Variants in SETD2 observed in about 807,000 individuals in gnomAD.
The protein encoded by SETD2 is histone-lysine N-methyltransferase SETD2.
Under a neutral mutation model 242.1 loss-of-function variants are expected in SETD2, and 31 were observed. That is an observed-to-expected ratio of 0.13 (90% CI 0.10 to 0.17). The LOEUF (loss-of-function observed/expected upper bound fraction) is 0.17, where lower values mean the gene tolerates loss of function less well. Ranked by LOEUF, SETD2 falls within the 10% of genes least tolerant of loss-of-function variation. The probability of loss-of-function intolerance (pLI) is 1.00; values close to 1 mark genes in which losing one functional copy is unlikely to be tolerated. For synonymous variants in SETD2, 1,006 were observed against 1,066.5 expected (o/e 0.94, Z 1.11); for missense variants, 2,481 against 3,046.3 (o/e 0.81, Z 4.37).
At chr3:47,097,921 T>C (rs745418278) in intron 9 of SETD2, 34 bp downstream of exon 9, 1 of 1,607,608 alleles carries the variant, frequency 6.2e-7, no homozygotes, top group South Asian at 1.1e-5. Context: ...TTAAATTTTT[T>C]ATTGTGAAAG....
At chr3:47,133,343 T>A (rs2043522467) in intron 1 of SETD2, among the ~76,000 whole-genome samples, 1 of 152,190 alleles carries the variant, frequency 6.6e-6, no homozygotes, top group Admixed American at 6.5e-5. Flanking sequence ...CATGAGCAAC[T>A]GTACCCAGTG....
At chr3:47,131,749 T>C (rs1352899464) in intron 1 of SETD2, among the ~76,000 whole-genome samples, 1 of 151,948 alleles carries the variant, frequency 6.6e-6, no homozygotes, top group Non-Finnish European at 1.5e-5. Flanking sequence ...GCAACTATTG[T>C]TAAGTTTGCA....
Position 47,120,399 on chromosome 3 carries a change from T to C in SETD2, c.4237A>G (p.Ser1413Gly), listed in dbSNP as rs750062275. 3 of 1,612,182 alleles carry C rather than the reference T, an allele frequency of 1.9e-6. No homozygotes were observed. Residue 1413 changes from serine to glycine, a missense_variant, in exon 3 of 21, where the codon AGT (serine) becomes GGT (glycine). Physicochemically the swap from Ser to Gly is moderately conservative, Grantham distance 56. Around this residue, in one of 17 missense-constraint regions of SETD2, gnomAD observed 1,300 missense variants for 1,259.2 expected, o/e 1.03. Transcript: ENST00000409792. Reference protein sequence around the residue: ...PLKKRRQEIESDSESDGELQD... With the variant: ...PLKKRRQEIEGDSESDGELQD... The stretch of plus-strand genomic sequence containing the variant: ...AGCTCACCATCACTTTCAGAATCAC[T>C]CTCTATTTCCTGCCTCCTTTTTTTA...
At chr3:47,042,815 A>G in intron 16 of SETD2, 115 bp from the exon 17 acceptor site, 1 of 944,942 alleles carries the variant, frequency 1.1e-6, no homozygotes, top group Admixed American at 2.5e-5. Context: ...TCTTAAAAAA[A>G]GGATAAAGGA....
chr3:47,117,611 T>C (rs1196601551), intron 3 of SETD2, among the ~76,000 whole-genome samples: 1 of 152,182 alleles, frequency 6.6e-6, no homozygotes, highest in Admixed American at 6.5e-5. Flanking sequence ...AATCCAATAT[T>C]TTAGAGAATC....
chr3:47,130,262 G>C (rs1347970940), intron 1 of SETD2, among the ~76,000 whole-genome samples: 1 of 152,170 alleles, frequency 6.6e-6, no homozygotes, highest in African/African-American at 2.4e-5. Flanking sequence ...TCTGAAGGAA[G>C]CTCATAAACT....
intron 6 of SETD2, among the ~76,000 whole-genome samples, chr3:47,105,183 A>G (rs2042361063): frequency 6.6e-6 from 1 of 152,030 alleles, no homozygotes; most frequent in African/African-American, 2.4e-5. Context: ...GCTGAGGCAC[A>G]TGGATTGCTT....
chr3:47,156,351 G>A (rs2044127580), intron 1 of SETD2, among the ~76,000 whole-genome samples: 1 of 152,196 alleles, frequency 6.6e-6, no homozygotes, highest in Non-Finnish European at 1.5e-5. Context: ...CCAAAGTCCT[G>A]CTAAGGAAAC....
chr3:47,065,528 G>A (rs1474625205), intron 13 of SETD2, among the ~76,000 whole-genome samples: 4 of 152,162 alleles, frequency 2.6e-5, no homozygotes, highest in African/African-American at 9.7e-5. Flanking sequence ...GCTGGGCATA[G>A]TGGCTTACAT....
In SETD2 at chr3:47,121,975, T is replaced by C. The variant is rs778709463; in HGVS notation, c.2661A>G (p.Pro887=). The C allele has an allele frequency of 6.2e-7, 1 of 1,614,022 alleles. No homozygotes were observed. The highest frequency in any genetic ancestry group is 1.1e-5 in the South Asian group (1 of 91,082). The stretch of plus-strand genomic sequence containing the variant: ...TTAGACTGTCCACCTTTATTCCTGG[T>C]GGAAGACTCTGAAGAGATGAAGCAA... ...SGIASSLQSL[P]PGIKVDSLTL... The change falls in exon 3 of 21, where the codon CCA becomes CCG. Residue 887 remains proline, a synonymous_variant. Coordinates refer to ENST00000409792, the MANE Select transcript of SETD2 (RefSeq NM_014159.7).
Position 47,121,956 on chromosome 3 carries a change from T to C in SETD2, c.2680A>G (p.Ser894Gly), listed in dbSNP as rs2043111754. ...TCTCCGCATTTCAAGAGAGTTAGAC[T>C]GTCCACCTTTATTCCTGGTGGAAGA... is the stretch of plus-strand genomic sequence containing the variant. ...QSLPPGIKVD[S>G]LTLLKCGENT... Residue 894 changes from serine to glycine, a missense_variant, in exon 3 of 21, where the codon AGT (serine) becomes GGT (glycine). Around this residue, in one of 17 missense-constraint regions of SETD2, gnomAD observed 1,300 missense variants for 1,259.2 expected, o/e 1.03. Transcript: ENST00000409792. 2 of 1,614,028 alleles carry C rather than the reference T, an allele frequency of 1.2e-6. No individual in the cohort carries two copies. Among genetic ancestry groups the C allele is most frequent in the South Asian group, 1.1e-5 (1 of 91,084 alleles).
At position 47,114,876 on chromosome 3, in the gene SETD2, CAAAAAA is replaced by C. The variant is rs764948151; in HGVS notation, c.4587-878_4587-873del. 3.3e-3 allele frequency among the ~76,000 whole-genome samples: 179 copies of C among 55,054 alleles called. 5 individuals are homozygous for C. The East Asian group carries it at 0.071, about 22-fold the overall frequency. 36.1% of individuals were successfully genotyped at this position (55,054 alleles called of 152,430 possible). The stretch of plus-strand genomic sequence containing the variant: ...CCTGGGCGACAGAGGGAGACTGTCT[CAAAAAA>C]AAAAAAAAAAAAAAAAGACCACTGG... On this transcript the variant is annotated intron_variant, in intron 4 of 20. Coordinates refer to ENST00000409792, the MANE Select transcript of SETD2 (RefSeq NM_014159.7).
chr3:47,108,682 C>A (rs2042536355), intron 5 of SETD2, among the ~76,000 whole-genome samples: 1 of 152,184 alleles, frequency 6.6e-6, no homozygotes, highest in Admixed American at 6.5e-5. Context: ...TATACCAACA[C>A]ACATGGATCT....
At chr3:47,116,991 T>C (rs2042879649) in intron 3 of SETD2, among the ~76,000 whole-genome samples, 1 of 152,020 alleles carries the variant, frequency 6.6e-6, no homozygotes, top group South Asian at 2.1e-4. Flanking sequence ...CCACAGCTCA[T>C]GCCACCACGC....
At position 47,105,081 on chromosome 3, in the gene SETD2, A is replaced by G. The variant is rs186372160; in HGVS notation, c.4839+916T>C. ...GTTGTGATTTTTAATATGATTAAGT[A>G]TAAGTAATTATAACCCACATAACCT... On this transcript the variant is annotated intron_variant, in intron 6 of 20. Transcript: ENST00000409792. Among the ~76,000 whole-genome samples the G allele has an allele frequency of 9.2e-5, 14 of 152,234 alleles. No individual in the cohort carries two copies. The South Asian group carries it at 1.0e-3, about 11-fold the overall frequency.
intron 14 of SETD2, among the ~76,000 whole-genome samples, chr3:47,061,137 G>C (rs1465750206): frequency 6.6e-6 from 1 of 152,110 alleles, no homozygotes; most frequent in African/African-American, 2.4e-5. Flanking sequence ...AGAATGGCGT[G>C]AACCCGGGAG....
intron 12 of SETD2, among the ~76,000 whole-genome samples, chr3:47,071,984 G>A (rs2040840972): frequency 6.6e-6 from 1 of 152,134 alleles, no homozygotes; most frequent in Non-Finnish European, 1.5e-5. Context: ...CACTGGTTTA[G>A]ACTGTTCCTG....
chr3:47,148,385 C>A (rs1437605275), intron 1 of SETD2, among the ~76,000 whole-genome samples: 1 of 152,102 alleles, frequency 6.6e-6, no homozygotes, highest in Non-Finnish European at 1.5e-5. Context: ...CCCACCTCAG[C>A]CTCCCAAAGT....
At position 47,032,837 on chromosome 3, in the gene SETD2, G is replaced by A. The variant is rs148388913; in HGVS notation, c.7350+4829C>T. Among the ~76,000 whole-genome samples, 274 of 151,922 alleles carry A rather than the reference G, an allele frequency of 1.8e-3. 1 individual carries two copies. The highest frequency in any genetic ancestry group is 6.1e-3 in the African/African-American group (251 of 41,410). On this transcript the variant is annotated intron_variant, in intron 18 of 20. Transcript: ENST00000409792. ...TGAGGCATGAGAATCGTTTGAACCC[G>A]GGAGGCAGAAGTTGCAATGAGCCGA...
Sources: gnomAD v4.1 joint callset for allele counts (sites outside exome capture counted in the v4.1 genomes callset) on GRCh38, gnomAD v4.1.1 for gene constraint, gnomAD v4.1.1 regional missense constraint, MANE v1.5 for transcripts, NCBI Gene and HGNC (gene_info 2026-07-23, HGNC 2026-07-21) for gene names.